The following HIGD1C variants were observed in gnomAD, a reference collection of about 807,000 sequenced individuals.
The protein encoded by HIGD1C is HIG1 domain family member 1C.
In HIGD1C, 11 loss-of-function variants were observed where a neutral mutation model predicts 13.1. That is an observed-to-expected ratio of 0.84 (90% CI 0.53 to 1.39). The LOEUF (loss-of-function observed/expected upper bound fraction) is 1.39. Among genes scored for constraint, HIGD1C ranks in the 40% most tolerant of loss-of-function variants. The probability of loss-of-function intolerance (pLI) is 0.00; values close to 1 mark genes in which losing one functional copy is unlikely to be tolerated. For missense variants in HIGD1C, 110 were observed against 112.0 expected, an observed-to-expected ratio of 0.98 and a Z score of 0.08; for synonymous variants, 36 against 37.7, an observed-to-expected ratio of 0.95 and a Z score of 0.17.
upstream of HIGD1C, among the ~76,000 whole-genome samples, chr12:50,949,804 G>T (rs1938857504): frequency 6.6e-6 from 1 of 152,086 alleles, no homozygotes; most frequent in Non-Finnish European, 1.5e-5. Flanking sequence ...AAAGTGCTGG[G>T]ATTAAGGCGT....
At chr12:50,966,558 C>T (rs1939547872) in intron 2 of HIGD1C, among the ~76,000 whole-genome samples, 1 of 152,180 alleles carries the variant, frequency 6.6e-6, no homozygotes, top group Admixed American at 6.5e-5. Flanking sequence ...CAGACATTAC[C>T]ATATTTCCCT....
chr12:50,967,097 G>C (rs55874852), intron 2 of HIGD1C, among the ~76,000 whole-genome samples: 13,921 of 150,282 alleles, frequency 0.093, 949 homozygotes, highest in African/African-American at 0.19. Context: ...TTGGGTGATG[G>C]AGCAAGACTC....
chr12:50,946,970 T>A, the HIGD1C span, among the ~76,000 whole-genome samples: 1 of 152,340 alleles, frequency 6.6e-6, no homozygotes, highest in South Asian at 2.1e-4. Context: ...CTGTGTAATA[T>A]CTGATTCTCA....
chr12:50,961,747 T>C (rs1238506453), intron 2 of HIGD1C, among the ~76,000 whole-genome samples: 1 of 152,210 alleles, frequency 6.6e-6, no homozygotes, highest in Admixed American at 6.5e-5. Context: ...CCTACATTAA[T>C]GAGAACAGGT....
the HIGD1C span, chr12:50,931,575 G>A: frequency 6.6e-6 from 1 of 151,700 alleles, no homozygotes; most frequent in East Asian, 1.9e-4. Flanking sequence ...GCCAGGCGTG[G>A]TGGTGGGTGC....
the HIGD1C span, among the ~76,000 whole-genome samples, chr12:50,941,812 T>C: frequency 6.6e-6 from 1 of 152,188 alleles, no homozygotes. Context: ...CCAGGACTGA[T>C]TCCCTTCTCC....
chr12:50,970,573 T>G, downstream of HIGD1C: 2 of 954,180 alleles, frequency 2.1e-6, no homozygotes, highest in Non-Finnish European at 3.2e-6. Flanking sequence ...AGAATAAATT[T>G]TCAATATGTA....
upstream of HIGD1C, among the ~76,000 whole-genome samples, chr12:50,950,503 T>A (rs1319549332): frequency 6.6e-6 from 1 of 151,978 alleles, no homozygotes; most frequent in Admixed American, 6.6e-5. Context: ...TGCCTACTAA[T>A]AAATGGTTGT....
intron 2 of HIGD1C, among the ~76,000 whole-genome samples, chr12:50,968,180 A>AT (rs1939617282): frequency 6.6e-6 from 1 of 152,136 alleles, no homozygotes; most frequent in Non-Finnish European, 1.5e-5. Context: ...ACCTTAAAAC[A>AT]TTTTTGGAGT....
intron 2 of HIGD1C, among the ~76,000 whole-genome samples, chr12:50,963,389 A>AAG (rs1939420150): frequency 7.4e-6 from 1 of 134,448 alleles, no homozygotes; most frequent in Non-Finnish European, 1.6e-5. Flanking sequence ...AAAAAAAAAA[A>AAG]AAAAGAAAAG....
At chr12:50,965,391 G>A (rs1199588377) in intron 2 of HIGD1C, among the ~76,000 whole-genome samples, 1 of 151,352 alleles carries the variant, frequency 6.6e-6, no homozygotes, top group Non-Finnish European at 1.5e-5. Context: ...CCAAAGTGCT[G>A]GGATTACAGT....
intron 1 of HIGD1C, among the ~76,000 whole-genome samples, chr12:50,955,654 G>T (rs1224007173): frequency 6.6e-6 from 1 of 152,112 alleles, no homozygotes; most frequent in African/African-American, 2.4e-5. Flanking sequence ...TATCAAGAAA[G>T]AATCAAATTT....
chr12:50,963,180 G>A (rs1214408605), intron 2 of HIGD1C, among the ~76,000 whole-genome samples: 2 of 151,690 alleles, frequency 1.3e-5, no homozygotes, highest in Non-Finnish European at 2.9e-5. Context: ...GACAAGCCTG[G>A]TCAACATGGT....
chr12:50,951,138 A>G (rs1938886511), upstream of HIGD1C, among the ~76,000 whole-genome samples: 1 of 152,312 alleles, frequency 6.6e-6, no homozygotes, highest in Non-Finnish European at 1.5e-5. Context: ...GTACCTGTTC[A>G]GAAACTACTT....
exon 1 of HIGD1C, chr12:50,953,968 C>T (rs367776986): frequency 7.8e-7 from 1 of 1,288,984 alleles, no homozygotes; most frequent in African/African-American, 1.5e-5. Flanking sequence ...ACGGCAACCA[C>T]ATTTATATCC....
At chr12:50,964,770 G>A (rs1016287774) in intron 2 of HIGD1C, among the ~76,000 whole-genome samples, 10 of 152,350 alleles carry the variant, frequency 6.6e-5, no homozygotes, top group African/African-American at 2.4e-4. Context: ...AACCACATCT[G>A]GATAGCAGAG....
chr12:50,970,627 GTA>G, downstream of HIGD1C: 1 of 630,544 alleles, frequency 1.6e-6, no homozygotes, highest in Non-Finnish European at 2.8e-6. Context: ...CATAGCCTTT[GTA>G]TTTCAAGTCT....
chr12:50,934,601 G>A, the HIGD1C span, among the ~76,000 whole-genome samples: 4 of 152,202 alleles, frequency 2.6e-5, no homozygotes, highest in Non-Finnish European at 5.9e-5. Context: ...AGCTCAGGGT[G>A]CCCAGCGAAT....
chr12:50,939,325 T>G, the HIGD1C span, among the ~76,000 whole-genome samples: 2 of 152,126 alleles, frequency 1.3e-5, no homozygotes, highest in African/African-American at 4.8e-5. Context: ...TTTTTGTATT[T>G]TTAGTAAAGA....
Sources: gnomAD v4.1 joint callset for allele counts (sites outside exome capture counted in the v4.1 genomes callset) on GRCh38, gnomAD v4.1.1 for gene constraint, MANE v1.5 for transcripts, NCBI Gene and HGNC (gene_info 2026-07-23, HGNC 2026-07-21) for gene names.